Variants in COL6A5 observed in about 807,000 individuals in gnomAD.
COL6A5 encodes collagen alpha-5(VI) chain.
In COL6A5, 48 loss-of-function variants were observed where a neutral mutation model predicts 65.6. That is an observed-to-expected ratio of 0.73 (90% CI 0.58 to 0.93). The LOEUF (loss-of-function observed/expected upper bound fraction) is 0.93. Among genes scored for constraint, COL6A5 ranks in the 40% least tolerant of loss-of-function variants. The probability of loss-of-function intolerance (pLI) is 0.00; values close to 1 mark genes in which losing one functional copy is unlikely to be tolerated. For synonymous variants in COL6A5, 291 were observed against 322.8 expected (o/e 0.90, Z 1.05); for missense variants, 914 against 928.3 (o/e 0.98, Z 0.20).
intron 7 of COL6A5, chr3:130,476,755 C>A: frequency 2.0e-6 from 1 of 495,278 alleles, no homozygotes; most frequent in Non-Finnish European, 3.8e-6. Context: ...GGATTATCAT[C>A]AAGTGTGCGT....
At chr3:130,431,931 T>C in exon 1 of COL6A5, 1 of 1,550,086 alleles carries the variant, frequency 6.5e-7, no homozygotes, top group Non-Finnish European at 8.7e-7. Context: ...ATGAGAGAGT[T>C]TTCCTTGAAG....
intron 7 of COL6A5, among the ~76,000 whole-genome samples, chr3:130,477,541 C>A (rs1249965544): frequency 6.6e-6 from 1 of 151,924 alleles, no homozygotes; most frequent in East Asian, 1.9e-4. Context: ...TTATGTCAAA[C>A]CCAAGGCTTG....
chr3:130,411,958 G>A (rs1566137), intron 20 of COL6A5, among the ~76,000 whole-genome samples: 17,501 of 152,182 alleles, frequency 0.12, 1,068 homozygotes, highest in Middle Eastern at 0.14. Flanking sequence ...GCAGAATAGA[G>A]TTCTCTGTGA....
At chr3:130,440,137 C>G (rs1380085868) in intron 2 of COL6A5, 29 bp from the exon 35 acceptor site, 4 of 1,576,602 alleles carry the variant, frequency 2.5e-6, no homozygotes, top group Non-Finnish European at 3.5e-6. Context: ...AGTGTTGAAC[C>G]AATGATGTGT....
At chr3:130,396,119 C>T (rs995236770) in intron 8 of COL6A5, among the ~76,000 whole-genome samples, 1 of 152,156 alleles carries the variant, frequency 6.6e-6, no homozygotes, top group African/African-American at 2.4e-5. Context: ...ACAGGAATGC[C>T]ACTATTCAGC....
chr3:130,414,349 T>A (rs978212800), intron 22 of COL6A5, among the ~76,000 whole-genome samples: 3 of 152,122 alleles, frequency 2.0e-5, no homozygotes, highest in African/African-American at 7.2e-5. Context: ...TGTGCTCTTG[T>A]GCTCACCTGG....
At chr3:130,451,975 C>T (rs1311387566) in intron 4 of COL6A5, among the ~76,000 whole-genome samples, 1 of 152,168 alleles carries the variant, frequency 6.6e-6, no homozygotes, top group African/African-American at 2.4e-5. Flanking sequence ...GTTGCACCAA[C>T]ACGATCCCAT....
At chr3:130,407,860 A>G (rs895342211) in intron 17 of COL6A5, among the ~76,000 whole-genome samples, 1 of 152,216 alleles carries the variant, frequency 6.6e-6, no homozygotes, top group Non-Finnish European at 1.5e-5. Flanking sequence ...ACCCGAACAG[A>G]GGCTGAAGCC....
chr3:130,477,230 CA>C, intron 7 of COL6A5: 1 of 618,558 alleles, frequency 1.6e-6, no homozygotes, highest in Non-Finnish European at 2.9e-6. Context: ...ATATAAAGCT[CA>C]AAGTACACAC....
Position 130,399,907 on chromosome 3 carries a change from C to T in COL6A5, c.3992-1124C>T, listed in dbSNP as rs540038025. ...AGCTGGGATTACAGGTGCCCACCAC[C>T]ATGCCTGGCTAAATTTTTTTTGTAT... On this transcript the variant is annotated intron_variant and NMD_transcript_variant, in intron 10 of 41. Coordinates refer to the COL6A5 transcript ENST00000312481. Among the ~76,000 whole-genome samples the T allele has an allele frequency of 3.9e-5, 6 of 152,106 alleles. No homozygotes were observed. The East Asian group carries it at 5.8e-4, about 15-fold the overall frequency.
intron 6 of COL6A5, 49 bp from the exon 39 acceptor site, chr3:130,470,822 A>G: frequency 7.4e-7 from 1 of 1,359,624 alleles, no homozygotes; most frequent in African/African-American, 1.4e-5. Context: ...GGGTGAGATA[A>G]TAATGTAGGT....
At position 130,356,371 on chromosome 3, in the gene COL6A5, A is replaced by G. The variant is rs369222844; in HGVS notation, c.-29+10390A>G. On this transcript the variant is annotated intron_variant and NMD_transcript_variant, in intron 1 of 41. Transcript: ENST00000312481. ...TAGTCCTTGAGAGTTAAGATAGGCA[A>G]AAATAAATAAAGATGAACTAATAGA... Among the ~76,000 whole-genome samples, 100 of 152,280 alleles carry G rather than the reference A, an allele frequency of 6.6e-4. 1 individual carries two copies. The South Asian group carries it at 0.02, about 30-fold the overall frequency.
chr3:130,451,195 G>A (rs1408456287), intron 4 of COL6A5, among the ~76,000 whole-genome samples: 1 of 152,142 alleles, frequency 6.6e-6, no homozygotes, highest in Non-Finnish European at 1.5e-5. Context: ...TAGCGCGACC[G>A]GATAAGTCCA....
rs117272494 is a variant in COL6A5 at position 130,379,294 on chromosome 3, G to A, written c.668-124G>A. 5.3e-4 allele frequency: 476 copies of A among 904,374 alleles called. 8 individuals carry two copies. The East Asian group carries it at 0.012, about 23-fold the overall frequency. The allele number at this position is 904,374 out of a possible 1,614,324, so 56.0% of individuals were successfully genotyped here. A position where few individuals can be genotyped will look rare whatever the true frequency, so the allele number is the denominator to read the frequency against. ...GATTTTTTGTTCACTAAAAGAAAAC[G>A]ATGCTGTCTACATCCATCATGACTA... On this transcript the variant is annotated intron_variant and NMD_transcript_variant, in intron 3 of 41. Coordinates refer to the COL6A5 transcript ENST00000312481.
rs983759507 is a variant in COL6A5, at chr3:130,408,989, T to C, written c.4480-337T>C. ...TAAGAAATTCTGCTCTTTAGTGGCA[T>C]TGATTACATTTTATGTGCTTAATAG... On this transcript the variant is annotated intron_variant and NMD_transcript_variant, in intron 17 of 41. Transcript: ENST00000312481. 2.0e-5 allele frequency among the ~76,000 whole-genome samples: 3 copies of C among 152,320 alleles called. No individual in the cohort carries two copies. In the East Asian group the frequency reaches 5.8e-4, roughly 29 times the overall value.
chr3:130,378,669 T>G (rs1935874027), intron 3 of COL6A5, among the ~76,000 whole-genome samples: 1 of 152,110 alleles, frequency 6.6e-6, no homozygotes, highest in South Asian at 2.1e-4. Flanking sequence ...TTCTTGCTTG[T>G]TCCCACCTCT....
At chr3:130,381,789 G>A (rs1029528453) in intron 4 of COL6A5, among the ~76,000 whole-genome samples, 1 of 152,082 alleles carries the variant, frequency 6.6e-6, no homozygotes, top group African/African-American at 2.4e-5. Flanking sequence ...ACTCAGACCA[G>A]CTTCAATCTA....
At chr3:130,431,800 G>A in exon 1 of COL6A5, 3 of 1,551,612 alleles carry the variant, frequency 1.9e-6, no homozygotes, top group Non-Finnish European at 1.7e-6. Flanking sequence ...GTATGCAGGA[G>A]CCAACGTGAG....
chr3:130,443,530 A>G (rs373184437), exon 4 of COL6A5: 1 of 1,611,134 alleles, frequency 6.2e-7, no homozygotes, highest in Non-Finnish European at 8.5e-7. Context: ...AGACTCATCA[A>G]TTTAGGAGGA....
Sources: gnomAD v4.1 joint callset for allele counts (sites outside exome capture counted in the v4.1 genomes callset) on GRCh38, gnomAD v4.1.1 for gene constraint, MANE v1.5 for transcripts, NCBI Gene and HGNC (gene_info 2026-07-23, HGNC 2026-07-21) for gene names.